The following GRM7 variants were observed in gnomAD, a reference collection of about 807,000 sequenced individuals.
The protein encoded by GRM7 is glutamate metabotropic receptor 7, also known as metabotropic glutamate receptor 7.
Under a neutral mutation model 84.5 loss-of-function variants are expected in GRM7, and 35 were observed. That is an observed-to-expected ratio of 0.41 (90% CI 0.32 to 0.55). The LOEUF (loss-of-function observed/expected upper bound fraction) is 0.55, where lower values mean the gene tolerates loss of function less well. Ranked by LOEUF, GRM7 falls within the 20% of genes least tolerant of loss-of-function variation. The pLI is 0.19. For missense variants in GRM7, 1,003 were observed against 1,194.6 expected (o/e 0.84, Z 2.36); for synonymous variants, 487 against 455.1 (o/e 1.07, Z -0.89).
At position 7,359,333 on chromosome 3, in the gene GRM7, C is replaced by CTT. The variant is rs372075812; in HGVS notation, c.1033+52700_1033+52701dup. Among the ~76,000 whole-genome samples, 254 of 98,510 alleles carry CTT rather than the reference C, an allele frequency of 2.6e-3. 14 individuals are homozygous for CTT. Among genetic ancestry groups the CTT allele is most frequent in the East Asian group, 0.02 (68 of 3,424 alleles). The allele number at this position is 98,510 out of a possible 152,430, so 64.6% of individuals were successfully genotyped here. On this transcript the variant is annotated intron_variant, in intron 4 of 9. Transcript: ENST00000357716. Reference sequence around the variant, plus strand: ...CTGAATCCTATTCACCCCTCCTCCTCTTTTTTTTTTTTTTTTTTTTGAGAC... The same window carrying CTT: ...CTGAATCCTATTCACCCCTCCTCCTCTTTTTTTTTTTTTTTTTTTTTTGAGAC...
At chr3:7,713,476 C>A (rs893681509) in intron 9 of GRM7, among the ~76,000 whole-genome samples, 2 of 152,056 alleles carry the variant, frequency 1.3e-5, no homozygotes, top group Non-Finnish European at 2.9e-5. Context: ...ACAATCCAAT[C>A]TATAATGTGG....
At position 6,998,125 on chromosome 3, in the gene GRM7, A is replaced by AAAAAAAAAAAAAAAAAAAG. The variant is rs1470645778; in HGVS notation, c.519+136232_519+136233insAAAAGAAAAAAAAAAAAAA. ...AAACAGCAAATCTCCATCTCAAAAA[A>AAAAAAAAAAAAAAAAAAAG]AAAAAAAAAAAAAAGCAGGTTAGTT... On this transcript the variant is annotated intron_variant, in intron 1 of 9. Transcript: ENST00000357716. Among the ~76,000 whole-genome samples the AAAAAAAAAAAAAAAAAAAG allele has an allele frequency of 2.8e-5, 4 of 141,396 alleles. 2 individuals are homozygous for AAAAAAAAAAAAAAAAAAAG. Among genetic ancestry groups the AAAAAAAAAAAAAAAAAAAG allele is most frequent in the Non-Finnish European group, 6.2e-5 (4 of 64,974 alleles). 92.8% of individuals were successfully genotyped at this position (141,396 alleles called of 152,430 possible). A position where few individuals can be genotyped will look rare whatever the true frequency, so the allele number is the denominator to read the frequency against.
chr3:7,570,718 C>A (rs1469928265), intron 7 of GRM7, among the ~76,000 whole-genome samples: 1 of 152,182 alleles, frequency 6.6e-6, no homozygotes, highest in Non-Finnish European at 1.5e-5. Context: ...GATGGTGGCC[C>A]TTTTCTCACA....
intron 2 of GRM7, among the ~76,000 whole-genome samples, chr3:7,270,085 T>A (rs928599003): frequency 6.6e-6 from 1 of 152,230 alleles, no homozygotes; most frequent in Admixed American, 6.5e-5. Context: ...AGAAAGGCCA[T>A]AGCATTTACA....
At chr3:7,610,623 T>C (rs1696807067) in intron 8 of GRM7, among the ~76,000 whole-genome samples, 2 of 152,312 alleles carry the variant, frequency 1.3e-5, no homozygotes, top group African/African-American at 4.8e-5. Flanking sequence ...AAACATCAGC[T>C]ATTGCAAAGG....
intron 2 of GRM7, among the ~76,000 whole-genome samples, chr3:7,226,642 G>A (rs1696991361): frequency 6.6e-6 from 1 of 152,164 alleles, no homozygotes; most frequent in Middle Eastern, 3.4e-3. Context: ...GGACTTACAG[G>A]GCCACCTTAG....
At chr3:7,215,469 C>A (rs1696571038) in intron 2 of GRM7, among the ~76,000 whole-genome samples, 1 of 151,882 alleles carries the variant, frequency 6.6e-6, no homozygotes, top group African/African-American at 2.4e-5. Flanking sequence ...TCTAGACCAC[C>A]CTGGCTAACA....
At chr3:7,163,015 C>T (rs575873697) in intron 2 of GRM7, among the ~76,000 whole-genome samples, 1 of 152,030 alleles carries the variant, frequency 6.6e-6, no homozygotes, top group East Asian at 1.9e-4. Flanking sequence ...CCACCTTGGC[C>T]TCTCAAAGTG....
intron 2 of GRM7, among the ~76,000 whole-genome samples, chr3:7,176,002 C>G (rs967009239): frequency 6.6e-6 from 1 of 151,974 alleles, no homozygotes; most frequent in Non-Finnish European, 1.5e-5. Context: ...CTCATACCAC[C>G]TGCATCGTTA....
At chr3:6,931,660 C>A (rs1256697875) in intron 1 of GRM7, among the ~76,000 whole-genome samples, 2 of 152,170 alleles carry the variant, frequency 1.3e-5, no homozygotes, top group Non-Finnish European at 2.9e-5. Context: ...TAGCACTCCC[C>A]TCTTTTGTGC....
chr3:7,170,273 A>T (rs990787206), intron 2 of GRM7, among the ~76,000 whole-genome samples: 2 of 152,200 alleles, frequency 1.3e-5, no homozygotes, highest in African/African-American at 2.4e-5. Flanking sequence ...TGGGTGGTTC[A>T]TGGGCAAATC....
chr3:7,074,524 C>G (rs1186193103), intron 1 of GRM7, among the ~76,000 whole-genome samples: 1 of 152,038 alleles, frequency 6.6e-6, no homozygotes, highest in Non-Finnish European at 1.5e-5. Context: ...AATACAAAAT[C>G]TAAGAATTAG....
chr3:7,141,983 T>C (rs1693959437), intron 1 of GRM7, among the ~76,000 whole-genome samples: 1 of 151,602 alleles, frequency 6.6e-6, no homozygotes, highest in South Asian at 2.1e-4. Flanking sequence ...TACTTTGAGG[T>C]AGAGCGACTT....
intron 4 of GRM7, among the ~76,000 whole-genome samples, chr3:7,408,199 A>G (rs1295296034): frequency 3.3e-5 from 5 of 152,188 alleles, no homozygotes; most frequent in Non-Finnish European, 4.4e-5. Context: ...GTTTATATCT[A>G]TATTTATTCC....
chr3:6,879,635 A>G (rs987632986), intron 1 of GRM7, among the ~76,000 whole-genome samples: 1 of 152,186 alleles, frequency 6.6e-6, no homozygotes, highest in Non-Finnish European at 1.5e-5. Context: ...CTTCTAAAAG[A>G]GCCAGACCTC....
At chr3:7,166,233 A>C (rs1694794113) in intron 2 of GRM7, among the ~76,000 whole-genome samples, 1 of 143,118 alleles carries the variant, frequency 7.0e-6, no homozygotes, top group Admixed American at 6.8e-5. Flanking sequence ...GGTTTAAATA[A>C]AGTTTTTTTT....
At chr3:7,036,734 G>A (rs170919) in intron 1 of GRM7, among the ~76,000 whole-genome samples, 61,176 of 151,990 alleles carry the variant, frequency 0.4, 14,518 homozygotes, top group East Asian at 0.51. Flanking sequence ...CTACTGCATG[G>A]CAATTTTGCA....
intron 1 of GRM7, among the ~76,000 whole-genome samples, chr3:7,079,293 T>C (rs1447252922): frequency 6.6e-6 from 1 of 152,130 alleles, no homozygotes; most frequent in Non-Finnish European, 1.5e-5. Flanking sequence ...ATCTTCTGTA[T>C]CTATTTTGTC....
intron 2 of GRM7, among the ~76,000 whole-genome samples, chr3:7,271,694 T>A (rs757808604): frequency 4.6e-5 from 7 of 151,950 alleles, no homozygotes; most frequent in Non-Finnish European, 7.4e-5. Context: ...AAAACTCCTC[T>A]CTTTGTCAGC....
Sources: allele counts gnomAD v4.1 joint callset (sites outside exome capture counted in the v4.1 genomes callset), GRCh38; gene constraint gnomAD v4.1.1; transcripts MANE v1.5; gene names NCBI Gene and HGNC (gene_info 2026-07-23, HGNC 2026-07-21).